The following LRRTM4 variants were observed in gnomAD, a reference collection of about 807,000 sequenced individuals.
LRRTM4 encodes the protein leucine rich repeat transmembrane neuronal 4.
Under a neutral mutation model 47.6 loss-of-function variants are expected in LRRTM4, and 25 were observed. That is an observed-to-expected ratio of 0.53 (90% CI 0.38 to 0.73). The LOEUF (loss-of-function observed/expected upper bound fraction) is 0.73, where lower values mean the gene tolerates loss of function less well. Among genes scored for constraint, LRRTM4 ranks in the 30% least tolerant of loss-of-function variants. The pLI, the probability that LRRTM4 is intolerant of heterozygous loss-of-function variation, is 0.00. For synonymous variants in LRRTM4, 311 were observed against 269.5 expected, an observed-to-expected ratio of 1.15 and a Z score of -1.51; for missense variants, 638 against 713.4, an observed-to-expected ratio of 0.89 and a Z score of 1.20.
chr2:77,199,839 T>C (rs1485352788), intron 3 of LRRTM4, among the ~76,000 whole-genome samples: 2 of 152,078 alleles, frequency 1.3e-5, no homozygotes, highest in East Asian at 3.9e-4. Context: ...CCAAGATAAA[T>C]GGAAGTGTCA....
intron 3 of LRRTM4, among the ~76,000 whole-genome samples, chr2:77,046,352 G>A (rs1006459498): frequency 5.9e-5 from 9 of 151,920 alleles, no homozygotes; most frequent in African/African-American, 2.2e-4. Context: ...GCCAACCAAA[G>A]TGCAAAATGT....
chr2:76,783,115 C>T lies in LRRTM4; in HGVS notation c.1552-34199G>A, dbSNP rs1558649925. 3.3e-5 allele frequency among the ~76,000 whole-genome samples: 5 copies of T among 152,050 alleles called. 1 individual carries two copies. Reference sequence around the variant, plus strand: ...AGACAAGCATTAGTTACAAAATTATCAGAGTTAATTAATATTGGGAAGAAT... The same window carrying T: ...AGACAAGCATTAGTTACAAAATTATTAGAGTTAATTAATATTGGGAAGAAT... On this transcript the variant is annotated intron_variant, in intron 3 of 3. Transcript: ENST00000409884.
chr2:76,788,850 A>G (rs1347370220), intron 3 of LRRTM4, among the ~76,000 whole-genome samples: 2 of 150,086 alleles, frequency 1.3e-5, no homozygotes, highest in Non-Finnish European at 3.0e-5. Flanking sequence ...AATAATGATA[A>G]ATGTTTTTGT....
intron 3 of LRRTM4, among the ~76,000 whole-genome samples, chr2:77,108,952 T>C (rs1671175379): frequency 6.6e-6 from 1 of 152,222 alleles, no homozygotes; most frequent in Non-Finnish European, 1.5e-5. Flanking sequence ...TTTAAAACTT[T>C]AATTTCTGTT....
chr2:76,984,830 G>T (rs1272300220), intron 3 of LRRTM4, among the ~76,000 whole-genome samples: 1 of 151,932 alleles, frequency 6.6e-6, no homozygotes, highest in Non-Finnish European at 1.5e-5. Context: ...CTATATTGCT[G>T]CTCACACTCA....
At chr2:77,491,329 T>C (rs1403441589) in intron 3 of LRRTM4, among the ~76,000 whole-genome samples, 1 of 151,504 alleles carries the variant, frequency 6.6e-6, no homozygotes, top group African/African-American at 2.4e-5. Flanking sequence ...TGGAAAAAGA[T>C]GGTAGTGAAA....
intron 3 of LRRTM4, among the ~76,000 whole-genome samples, chr2:77,253,597 A>G (rs999041190): frequency 6.6e-6 from 1 of 152,166 alleles, no homozygotes; most frequent in African/African-American, 2.4e-5. Context: ...GGAAATGACA[A>G]CTAACAGATG....
rs1046243529 is a variant in LRRTM4, at chr2:77,180,534, T to G, written c.1551+337784A>C. On this transcript the variant is annotated intron_variant, in intron 3 of 3. Transcript: ENST00000409884. Reference sequence around the variant, plus strand: ...AATAAAATGGAGATTTAGTTCTTCCTATATCATAGACCTGTTGAGAAATTC... The same window carrying G: ...AATAAAATGGAGATTTAGTTCTTCCGATATCATAGACCTGTTGAGAAATTC... 9.9e-5 allele frequency among the ~76,000 whole-genome samples: 15 copies of G among 152,220 alleles called. No individual in the cohort carries two copies. The South Asian group carries it at 1.0e-3, about 11-fold the overall frequency.
intron 3 of LRRTM4, among the ~76,000 whole-genome samples, chr2:77,284,529 A>T (rs1488556915): frequency 1.4e-5 from 2 of 147,330 alleles, no homozygotes; most frequent in Non-Finnish European, 2.9e-5. Context: ...GAATCACTAA[A>T]ATGATGATTA....
At chr2:76,851,057 A>G (rs1164519296) in intron 3 of LRRTM4, among the ~76,000 whole-genome samples, 1 of 151,846 alleles carries the variant, frequency 6.6e-6, no homozygotes, top group Admixed American at 6.6e-5. Flanking sequence ...CACTTGGGCT[A>G]AGGGCCCAGT....
chr2:76,915,025 A>G (rs1292366284), intron 3 of LRRTM4, among the ~76,000 whole-genome samples: 1 of 152,074 alleles, frequency 6.6e-6, no homozygotes, highest in East Asian at 1.9e-4. Context: ...CGAATCAGGC[A>G]AAGAGTGCCA....
chr2:77,363,383 T>C (rs1324372639), intron 3 of LRRTM4, among the ~76,000 whole-genome samples: 3 of 152,284 alleles, frequency 2.0e-5, no homozygotes, highest in African/African-American at 7.2e-5. Flanking sequence ...AAGAAAAATA[T>C]ACTCCCAAGA....
intron 3 of LRRTM4, among the ~76,000 whole-genome samples, chr2:77,145,250 ATGTG>A (rs1379872600): frequency 1.4e-5 from 2 of 139,318 alleles, no homozygotes; most frequent in Non-Finnish European, 3.2e-5. Context: ...ATATATCTAT[ATGTG>A]TATATATATA....
intron 3 of LRRTM4, among the ~76,000 whole-genome samples, chr2:77,220,675 A>C (rs1482306686): frequency 1.3e-5 from 2 of 152,230 alleles, no homozygotes; most frequent in Non-Finnish European, 2.9e-5. Flanking sequence ...AAAAGAAATC[A>C]ACAAAGCCTC....
intron 3 of LRRTM4, among the ~76,000 whole-genome samples, chr2:77,058,794 CTT>C (rs1314612031): frequency 6.6e-6 from 1 of 152,016 alleles, no homozygotes; most frequent in Non-Finnish European, 1.5e-5. Context: ...TTCAAACAAT[CTT>C]ATTTATTTAG....
intron 3 of LRRTM4, among the ~76,000 whole-genome samples, chr2:77,151,540 A>G (rs1672430966): frequency 6.6e-6 from 1 of 152,240 alleles, no homozygotes; most frequent in African/African-American, 2.4e-5. Flanking sequence ...GTGTTCATCA[A>G]CAGTTGAATG....
At chr2:76,825,820 G>C (rs187668708) in intron 3 of LRRTM4, among the ~76,000 whole-genome samples, 7 of 151,690 alleles carry the variant, frequency 4.6e-5, no homozygotes, top group African/African-American at 1.7e-4. Context: ...GTTAGTCAAA[G>C]GGAAAGTGCT....
At chr2:77,414,583 T>A (rs925448733) in intron 3 of LRRTM4, among the ~76,000 whole-genome samples, 4 of 152,140 alleles carry the variant, frequency 2.6e-5, no homozygotes, top group Admixed American at 1.3e-4. Context: ...AGATAGAATT[T>A]TAGGTATAAT....
chr2:77,108,480 AATAT>A (rs988048981), intron 3 of LRRTM4, among the ~76,000 whole-genome samples: 15 of 151,986 alleles, frequency 9.9e-5, no homozygotes, highest in African/African-American at 3.6e-4. Context: ...AAAACTATAG[AATAT>A]ATATATTTTA....
Sources: gnomAD v4.1 joint callset for allele counts (sites outside exome capture counted in the v4.1 genomes callset) on GRCh38, gnomAD v4.1.1 for gene constraint, MANE v1.5 for transcripts, NCBI Gene and HGNC (gene_info 2026-07-23, HGNC 2026-07-21) for gene names.